The following NDUFA5 variants were observed in gnomAD, a reference collection of about 807,000 sequenced individuals.
The protein encoded by NDUFA5 is NADH dehydrogenase [ubiquinone] 1 alpha subcomplex subunit 5.
A neutral mutation model predicts 19.8 loss-of-function variants in NDUFA5; 11 were observed. That is an observed-to-expected ratio of 0.56 (90% confidence interval 0.35 to 0.92). The LOEUF is 0.92. Ranked by LOEUF, NDUFA5 falls within the 40% of genes least tolerant of loss-of-function variation. NDUFA5 has a pLI of 0.01. For synonymous variants in NDUFA5, 47 were observed against 46.8 expected, an observed-to-expected ratio of 1.00 and a Z score of -0.01; for missense variants, 109 against 134.2, an observed-to-expected ratio of 0.81 and a Z score of 0.93.
chr7:123,557,249 G>C (rs1280051079), intron 2 of NDUFA5, 155 bp downstream of exon 2: 2 of 1,009,152 alleles, frequency 2.0e-6, no homozygotes, highest in African/African-American at 3.2e-5. Context: ...TCGGATCAAC[G>C]AAGTAGGTGG....
chr7:123,562,823 G>T (rs1421926892), upstream of NDUFA5, among the ~76,000 whole-genome samples: 5 of 135,674 alleles, frequency 3.7e-5, no homozygotes, highest in African/African-American at 1.4e-4. Flanking sequence ...TTGAGTCAGA[G>T]TTTTCTCTCT....
chr7:123,587,743 C>CA, the NDUFA5 span, among the ~76,000 whole-genome samples: 22 of 151,484 alleles, frequency 1.5e-4, no homozygotes, highest in African/African-American at 3.1e-4. Context: ...TTTTTAATAT[C>CA]AAAAAAGATG....
At chr7:123,563,576 C>A in the NDUFA5 span, among the ~76,000 whole-genome samples, 1 of 152,104 alleles carries the variant, frequency 6.6e-6, no homozygotes, top group Non-Finnish European at 1.5e-5. Context: ...CAAGAGTTAC[C>A]AAAACGTGAC....
At chr7:123,562,568 T>C (rs1393679747), upstream of NDUFA5, among the ~76,000 whole-genome samples, 2 of 152,200 alleles carry the variant, frequency 1.3e-5, no homozygotes, top group Non-Finnish European at 2.9e-5. Flanking sequence ...GTTACGAAAA[T>C]GGCTTCTTTC....
chr7:123,564,191 T>C, the NDUFA5 span, among the ~76,000 whole-genome samples: 205 of 152,326 alleles, frequency 1.3e-3, 1 homozygote, highest in East Asian at 0.013. Flanking sequence ...CTACTTTGAC[T>C]TTTGCCTCCC....
upstream of NDUFA5, among the ~76,000 whole-genome samples, chr7:123,560,911 C>T (rs1798679821): frequency 6.6e-6 from 1 of 152,110 alleles, no homozygotes; most frequent in Non-Finnish European, 1.5e-5. Context: ...TCTATTATAG[C>T]AATGAATAAT....
At chr7:123,581,180 T>A in the NDUFA5 span, among the ~76,000 whole-genome samples, 6,113 of 151,968 alleles carry the variant, frequency 0.04, 217 homozygotes, top group Non-Finnish European at 0.056. Context: ...TGAATGTTGC[T>A]CAGGGCATGA....
chr7:123,542,415 T>C (rs762776565), intron 4 of NDUFA5, among the ~76,000 whole-genome samples, 195 bp from the exon 5 acceptor site: 1 of 152,194 alleles, frequency 6.6e-6, no homozygotes, highest in East Asian at 1.9e-4. Flanking sequence ...AGAAAGGATA[T>C]CTTTTGTTAT....
chr7:123,585,316 T>C, the NDUFA5 span, among the ~76,000 whole-genome samples: 928 of 151,746 alleles, frequency 6.1e-3, 7 homozygotes, highest in African/African-American at 0.021. Context: ...CAAGCAAATT[T>C]ATCCAAGCAG....
the NDUFA5 span, among the ~76,000 whole-genome samples, chr7:123,600,701 A>G: frequency 6.6e-6 from 1 of 152,212 alleles, no homozygotes; most frequent in African/African-American, 2.4e-5. Context: ...TTTGCTTTGA[A>G]GATGACTGAA....
chr7:123,568,229 C>A, the NDUFA5 span, among the ~76,000 whole-genome samples: 1 of 152,096 alleles, frequency 6.6e-6, no homozygotes, highest in Non-Finnish European at 1.5e-5. Flanking sequence ...AAAATTAAAA[C>A]TGGCTGGGCG....
the NDUFA5 span, among the ~76,000 whole-genome samples, chr7:123,564,453 C>T: frequency 6.6e-6 from 1 of 152,102 alleles, no homozygotes; most frequent in Non-Finnish European, 1.5e-5. Flanking sequence ...GACCTAACCT[C>T]CTGTATTAGT....
In NDUFA5 at chr7:123,540,735, C is replaced by T. The variant is rs1797898160; in HGVS notation, c.*1384G>A. ...TAACTCCCCCTCTAACACTTCCCCACCAGAAGGAGCCTTCTTGCACTCTAA... is the reference window on the plus strand; with the variant it reads ...TAACTCCCCCTCTAACACTTCCCCATCAGAAGGAGCCTTCTTGCACTCTAA... On this transcript the variant is annotated 3_prime_UTR_variant, in exon 5 of 5. Transcript: ENST00000355749. The T allele has an allele frequency of 1.3e-5, 2 of 152,112 alleles. No homozygotes were observed. 9.4% of individuals were successfully genotyped at this position (152,112 alleles called of 1,614,324 possible).
chr7:123,562,297 T>G (rs1055168992), upstream of NDUFA5, among the ~76,000 whole-genome samples: 1 of 152,144 alleles, frequency 6.6e-6, no homozygotes, highest in Non-Finnish European at 1.5e-5. Flanking sequence ...GGATGGTAAG[T>G]GAGCATGGGC....
the NDUFA5 span, among the ~76,000 whole-genome samples, chr7:123,566,747 G>T: frequency 6.6e-6 from 1 of 151,998 alleles, no homozygotes; most frequent in African/African-American, 2.4e-5. Context: ...ATATCCATTT[G>T]CTCCTCTGTG....
At chr7:123,598,632 A>G in the NDUFA5 span, among the ~76,000 whole-genome samples, 3 of 152,204 alleles carry the variant, frequency 2.0e-5, no homozygotes, top group Non-Finnish European at 4.4e-5. Flanking sequence ...TGTTCAACAA[A>G]ATATTCAACA....
the NDUFA5 span, among the ~76,000 whole-genome samples, chr7:123,593,374 C>G: frequency 2.0e-5 from 3 of 151,948 alleles, no homozygotes; most frequent in Admixed American, 2.0e-4. Flanking sequence ...CCTCGATGGT[C>G]TTTATAATTT....
At chr7:123,581,612 A>G in the NDUFA5 span, among the ~76,000 whole-genome samples, 74 of 151,934 alleles carry the variant, frequency 4.9e-4, no homozygotes, top group Admixed American at 3.6e-3. Flanking sequence ...ACTGATATAC[A>G]TCAAATTGTG....
At chr7:123,596,840 G>C in the NDUFA5 span, among the ~76,000 whole-genome samples, 1 of 152,138 alleles carries the variant, frequency 6.6e-6, no homozygotes, top group Non-Finnish European at 1.5e-5. Context: ...TATTTTCAGA[G>C]AGAATAGAGT....
Sources: allele counts gnomAD v4.1 joint callset (sites outside exome capture counted in the v4.1 genomes callset), GRCh38; gene constraint gnomAD v4.1.1; transcripts MANE v1.5; gene names NCBI Gene and HGNC (gene_info 2026-07-23, HGNC 2026-07-21).